Variants in PCDH17 observed in about 807,000 individuals in gnomAD.
PCDH17 encodes protocadherin-17.
In PCDH17, 21 loss-of-function variants were observed where a neutral mutation model predicts 67.7. The ratio of observed to expected loss-of-function variants is 0.31; its 90% CI spans 0.22 to 0.45. The LOEUF (loss-of-function observed/expected upper bound fraction) is 0.45, where lower values mean the gene tolerates loss of function less well. PCDH17 is among the 20% of genes least tolerant of loss of function. The pLI, the probability that PCDH17 is intolerant of heterozygous loss-of-function variation, is 1.00. For missense variants in PCDH17, 1,471 were observed against 1,564.8 expected (o/e 0.94, Z 1.01); for synonymous variants, 701 against 656.7 (o/e 1.07, Z -1.03).
At chr13:57,702,785 G>T (rs1955679479) in intron 3 of PCDH17, among the ~76,000 whole-genome samples, 1 of 152,140 alleles carries the variant, frequency 6.6e-6, no homozygotes, top group Non-Finnish European at 1.5e-5. Context: ...ACCCATAGGA[G>T]AACACTGTCC....
At position 57,666,481 on chromosome 13, in the gene PCDH17, C is replaced by T. The variant is rs1389565105; in HGVS notation, c.2579C>T (p.Pro860Leu). ...RMSIIQTDNF[P>L]AEPNYMGSRQ... ...TCTCTTTCACAGACAGACAATTTTCCCGCAGAGCCCAATTACATGGGCAGC... is the reference window on the plus strand; with the variant it reads ...TCTCTTTCACAGACAGACAATTTTCTCGCAGAGCCCAATTACATGGGCAGC... Residue 860 changes from proline (P) to leucine (L), a missense_variant, in exon 2 of 4, where the codon CCC (proline) becomes CTC (leucine). Around this residue, in one of 3 missense-constraint regions of PCDH17, gnomAD observed 1,163 missense variants for 1,230.0 expected, o/e 0.95. Transcript: ENST00000377918. The T allele has an allele frequency of 5.0e-6, 8 of 1,613,798 alleles. No individual in the cohort carries two copies. The highest frequency in any genetic ancestry group is 6.8e-6 in the Non-Finnish European group (8 of 1,179,798).
intron 3 of PCDH17, among the ~76,000 whole-genome samples, chr13:57,720,781 G>A (rs536683578): frequency 6.6e-6 from 1 of 152,090 alleles, no homozygotes; most frequent in South Asian, 2.1e-4. Flanking sequence ...TATGGTGCAG[G>A]TAAACTGCAA....
At position 57,633,625 on chromosome 13, in the gene PCDH17, C is replaced by A; in HGVS notation, c.1079C>A (p.Ala360Glu). The A allele has an allele frequency of 6.2e-7, 1 of 1,610,660 alleles. No homozygotes were observed. The highest frequency in any genetic ancestry group is 8.5e-7 in the Non-Finnish European group (1 of 1,180,024). Residue 360 changes from alanine (A) to glutamate (E), a missense_variant, in exon 1 of 4, where the codon GCG becomes GAG. Ala to Glu is a moderately radical substitution (Grantham distance 107). Coordinates refer to ENST00000377918, the MANE Select transcript of PCDH17 (RefSeq NM_001040429.3). This position sits in a 1 kb window ranked among gnomAD's most constrained non-coding sequence, Gnocchi z 6.2. ...GGTTTCGTCTCCGTGCGCCAGGGGG[C>A]GCTGAGCGAGGCCGCCCCTCCCGGC... ...SIGFVSVRQG[A>E]LSEAAPPGTV...
At chr13:57,676,852 T>C (rs996042383) in intron 3 of PCDH17, among the ~76,000 whole-genome samples, 1 of 151,928 alleles carries the variant, frequency 6.6e-6, no homozygotes, top group Non-Finnish European at 1.5e-5. Context: ...TAAAATAAAA[T>C]ATACTGAGCT....
intron 3 of PCDH17, among the ~76,000 whole-genome samples, chr13:57,678,065 C>T (rs1955412241): frequency 6.6e-6 from 1 of 151,384 alleles, no homozygotes. Context: ...AAGTGTTCTC[C>T]CTACATAATA....
At chr13:57,639,385 T>G (rs1351739058) in intron 1 of PCDH17, among the ~76,000 whole-genome samples, 3 of 151,894 alleles carry the variant, frequency 2.0e-5, no homozygotes, top group Non-Finnish European at 4.4e-5. Flanking sequence ...ATCATCATTA[T>G]TATATTGTTA....
intron 3 of PCDH17, among the ~76,000 whole-genome samples, chr13:57,674,975 A>G (rs1186687766): frequency 6.6e-6 from 1 of 151,892 alleles, no homozygotes; most frequent in Non-Finnish European, 1.5e-5. Context: ...TACTAGTTCC[A>G]GGTTTGTGGT....
chr13:57,666,112 C>A (rs551604888), intron 1 of PCDH17, among the ~76,000 whole-genome samples: 1 of 152,192 alleles, frequency 6.6e-6, no homozygotes, highest in South Asian at 2.1e-4. Context: ...TTAAATAATT[C>A]ACACTTTTAA....
rs2138111922 is a variant in PCDH17, at chr13:57,727,991, T to C, written c.*2697T>C. 6.5e-6 allele frequency: 1 copy of C among 152,720 alleles called. No individual in the cohort carries two copies. Among genetic ancestry groups the C allele is most frequent in the South Asian group, 2.1e-4 (1 of 4,832 alleles). The allele number at this position is 152,720 out of a possible 1,614,324, so 9.5% of individuals were successfully genotyped here. A position where few individuals can be genotyped will look rare whatever the true frequency, so the allele number is the denominator to read the frequency against. On this transcript the variant is annotated 3_prime_UTR_variant, in exon 4 of 4. Transcript: ENST00000377918. ...AACACCATAAGGTTGTAATAATTGGTTGTGCCAATGTGTGAGGGATTTACC... is the reference window on the plus strand; with the variant it reads ...AACACCATAAGGTTGTAATAATTGGCTGTGCCAATGTGTGAGGGATTTACC...
At chr13:57,661,982 C>A (rs1047666326) in intron 1 of PCDH17, among the ~76,000 whole-genome samples, 1 of 152,130 alleles carries the variant, frequency 6.6e-6, no homozygotes, top group African/African-American at 2.4e-5. Flanking sequence ...GCCTCAGCCA[C>A]CCAAGTAGCT....
intron 1 of PCDH17, among the ~76,000 whole-genome samples, chr13:57,651,356 GTTTTTTTTTTTTTT>G (rs67207232): frequency 1.2e-5 from 1 of 84,102 alleles, no homozygotes; most frequent in Non-Finnish European, 2.2e-5. Context: ...TTTAATTGAG[GTTTTTTTTTTTTTT>G]TTTTTTTTTG....
At chr13:57,699,344 A>T (rs1298763612) in intron 3 of PCDH17, among the ~76,000 whole-genome samples, 3 of 152,080 alleles carry the variant, frequency 2.0e-5, no homozygotes, top group Non-Finnish European at 4.4e-5. Context: ...AATTCCTAAG[A>T]AACTATTCTC....
rs371506259 is a variant in PCDH17 at position 57,728,386 on chromosome 13, C to A, written c.*3092C>A. The A allele has an allele frequency of 6.6e-6, 1 of 151,630 alleles. No homozygotes were observed. The highest frequency in any genetic ancestry group is 6.6e-5 in the Admixed American group (1 of 15,190). The allele number at this position is 151,630 out of a possible 1,614,324, so 9.4% of individuals were successfully genotyped here. A position where few individuals can be genotyped will look rare whatever the true frequency, so the allele number is the denominator to read the frequency against. ...AACCCCTCAAAAAAGCCCACACATA[C>A]AAAATATGTGATGTGATACCACTTT... On this transcript the variant is annotated 3_prime_UTR_variant, in exon 4 of 4. Transcript: ENST00000377918.
chr13:57,700,961 G>C (rs927061207), intron 3 of PCDH17, among the ~76,000 whole-genome samples: 1 of 151,978 alleles, frequency 6.6e-6, no homozygotes, highest in Admixed American at 6.6e-5. Context: ...CCAGGAATTC[G>C]AGACCAGCCT....
At chr13:57,656,561 C>T (rs1225009371) in intron 1 of PCDH17, among the ~76,000 whole-genome samples, 8 of 152,028 alleles carry the variant, frequency 5.3e-5, no homozygotes, top group African/African-American at 1.7e-4. Context: ...TTGAATTCTT[C>T]GTCCTGGAGG....
intron 1 of PCDH17, among the ~76,000 whole-genome samples, chr13:57,651,995 C>A (rs1217094508): frequency 6.6e-6 from 1 of 152,088 alleles, no homozygotes; most frequent in Non-Finnish European, 1.5e-5. Flanking sequence ...AGAACACTTA[C>A]GGGCCGGGCG....
At chr13:57,707,582 A>G (rs1452465012) in intron 3 of PCDH17, among the ~76,000 whole-genome samples, 5 of 152,024 alleles carry the variant, frequency 3.3e-5, no homozygotes. Context: ...GCAGCACCTC[A>G]CTTCACAGTA....
intron 1 of PCDH17, among the ~76,000 whole-genome samples, chr13:57,661,947 C>A (rs1037489981): frequency 6.6e-6 from 1 of 152,136 alleles, no homozygotes; most frequent in African/African-American, 2.4e-5. Context: ...GAAACCTCCG[C>A]CTCCTGGATT....
chr13:57,641,593 T>A (rs1276277648), intron 1 of PCDH17, among the ~76,000 whole-genome samples: 21 of 103,772 alleles, frequency 2.0e-4, no homozygotes, highest in Non-Finnish European at 3.6e-4. Context: ...AAAAAATATA[T>A]ATATATATAT....
Sources: gnomAD v4.1 joint callset for allele counts (sites outside exome capture counted in the v4.1 genomes callset) on GRCh38, gnomAD v4.1.1 for gene constraint, gnomAD v4.1.1 regional missense constraint, Gnocchi (gnomAD v3.1) non-coding constraint, MANE v1.5 for transcripts, NCBI Gene and HGNC (gene_info 2026-07-23, HGNC 2026-07-21) for gene names.